The following UPP2 variants were observed in gnomAD, a reference collection of about 807,000 sequenced individuals.
UPP2 encodes uridine phosphorylase 2, also known as UPase 2.
Under a neutral mutation model 26.7 loss-of-function variants are expected in UPP2, and 23 were observed. That is an observed-to-expected ratio of 0.86 (90% CI 0.62 to 1.22). The LOEUF (loss-of-function observed/expected upper bound fraction) is 1.22, where lower values mean the gene tolerates loss of function less well. UPP2 is among the 50% of genes most tolerant of loss of function. The pLI, the probability that UPP2 is intolerant of heterozygous loss-of-function variation, is 0.00. For missense variants in UPP2, 387 were observed against 396.7 expected (o/e 0.98, Z 0.21); for synonymous variants, 127 against 141.3 (o/e 0.90, Z 0.72).
At chr2:158,019,639 A>AACACACACACAC (rs57149695) in intron 3 of UPP2, among the ~76,000 whole-genome samples, 1 of 141,094 alleles carries the variant, frequency 7.1e-6, no homozygotes. Context: ...AATCCTTTAA[A>AACACACACACAC]ACACACACAC....
Position 158,073,896 on chromosome 2 carries a change from C to T in UPP2, c.148-28144C>T, listed in dbSNP as rs554112706. ...AAACAAGAAGAAATCCTTTGAGGGC[C>T]AGGTATAGTGGCTGACGTCTGTAAT... is the stretch of plus-strand genomic sequence containing the variant. On this transcript the variant is annotated intron_variant, in intron 3 of 9. Transcript: ENST00000605860. 1.1e-4 allele frequency among the ~76,000 whole-genome samples: 16 copies of T among 152,232 alleles called. No individual in the cohort carries two copies. In the East Asian group the frequency reaches 2.3e-3, roughly 22 times the overall value.
intron 3 of UPP2, among the ~76,000 whole-genome samples, chr2:158,041,647 A>G (rs1423890164): frequency 1.3e-5 from 2 of 152,236 alleles, no homozygotes; most frequent in Non-Finnish European, 2.9e-5. Context: ...AAAGATCTTG[A>G]TGCCAGTGTG....
At chr2:158,105,365 G>A (rs1338501524) in intron 1 of UPP2, among the ~76,000 whole-genome samples, 1 of 152,148 alleles carries the variant, frequency 6.6e-6, no homozygotes, top group Non-Finnish European at 1.5e-5. Flanking sequence ...CCAGGGCCAT[G>A]GCCAGTGGGG....
intron 4 of UPP2, among the ~76,000 whole-genome samples, chr2:158,120,564 G>C (rs1234028183): frequency 2.6e-5 from 4 of 151,996 alleles, no homozygotes; most frequent in Non-Finnish European, 5.9e-5. Context: ...AAACAAATGG[G>C]TAATTATAAA....
In UPP2 at chr2:158,134,983, G is replaced by A; in HGVS notation, c.*93G>A. 7.2e-7 allele frequency: 1 copy of A among 1,391,198 alleles called. No individual in the cohort carries two copies. The highest frequency in any genetic ancestry group is 9.5e-7 in the Non-Finnish European group (1 of 1,051,986). The allele number at this position is 1,391,198 out of a possible 1,614,324, so 86.2% of individuals were successfully genotyped here. A position where few individuals can be genotyped will look rare whatever the true frequency, so the allele number is the denominator to read the frequency against. On this transcript the variant is annotated 3_prime_UTR_variant, in exon 7 of 7. Transcript: ENST00000005756. The stretch of plus-strand genomic sequence containing the variant: ...ATTTTATTTGTGGCATTTTTATATA[G>A]TTCTCATCCACATGCTAAATGGAAA...
chr2:158,034,639 G>A (rs1574255756), intron 3 of UPP2, among the ~76,000 whole-genome samples: 2 of 152,166 alleles, frequency 1.3e-5, no homozygotes, highest in Admixed American at 1.3e-4. Context: ...GTGTGCCTGA[G>A]GATTCTAGGA....
At chr2:158,027,074 C>A (rs11679887) in intron 3 of UPP2, among the ~76,000 whole-genome samples, 2 of 152,054 alleles carry the variant, frequency 1.3e-5, no homozygotes, top group Non-Finnish European at 2.9e-5. Context: ...GGGGACACAG[C>A]CAAACCTTTA....
chr2:158,045,208 T>C (rs746476719), intron 3 of UPP2, among the ~76,000 whole-genome samples: 1 of 152,196 alleles, frequency 6.6e-6, no homozygotes, highest in Non-Finnish European at 1.5e-5. Flanking sequence ...CTAACTTGGA[T>C]GAATCAGACC....
chr2:158,004,751 A>G (rs1048105332), intron 2 of UPP2, among the ~76,000 whole-genome samples: 3 of 152,198 alleles, frequency 2.0e-5, no homozygotes, highest in African/African-American at 7.2e-5. Context: ...AACTTTTTTT[A>G]AAGTTTGTGC....
intron 3 of UPP2, among the ~76,000 whole-genome samples, chr2:158,067,350 T>C (rs1476529650): frequency 1.5e-5 from 2 of 130,092 alleles, no homozygotes; most frequent in African/African-American, 5.9e-5. Context: ...TCTAAATAAA[T>C]AGTGAAATGC....
chr2:158,053,762 C>T (rs187018756), intron 3 of UPP2, among the ~76,000 whole-genome samples: 18 of 152,256 alleles, frequency 1.2e-4, no homozygotes, highest in African/African-American at 4.3e-4. Context: ...CACACATTAC[C>T]ATAGTTTACT....
chr2:158,078,485 T>G (rs1387754377), intron 3 of UPP2, among the ~76,000 whole-genome samples: 1 of 152,086 alleles, frequency 6.6e-6, no homozygotes, highest in East Asian at 1.9e-4. Flanking sequence ...TGCAACAACA[T>G]GGATGGAACT....
intron 3 of UPP2, among the ~76,000 whole-genome samples, chr2:158,024,358 G>A (rs1279448521): frequency 6.6e-6 from 1 of 152,168 alleles, no homozygotes; most frequent in Non-Finnish European, 1.5e-5. Flanking sequence ...ATCACTACAA[G>A]TTGACCTGTA....
At chr2:158,000,487 C>T (rs1396237587) in intron 2 of UPP2, among the ~76,000 whole-genome samples, 3 of 152,218 alleles carry the variant, frequency 2.0e-5, no homozygotes, top group Admixed American at 1.3e-4. Context: ...CTTTTGTGCT[C>T]ACTGTTGCTC....
At chr2:158,122,605 A>G (rs1203483139) in intron 5 of UPP2, among the ~76,000 whole-genome samples, 1 of 152,142 alleles carries the variant, frequency 6.6e-6, no homozygotes, top group Admixed American at 6.5e-5. Flanking sequence ...TTTGGCCTGC[A>G]CAGTATTTTT....
At chr2:158,040,259 T>C (rs1684065923) in intron 3 of UPP2, among the ~76,000 whole-genome samples, 1 of 152,240 alleles carries the variant, frequency 6.6e-6, no homozygotes, top group South Asian at 2.1e-4. Flanking sequence ...CTAACTCTAT[T>C]TGTTGAAAAT....
chr2:158,073,226 T>C (rs538756718), intron 3 of UPP2, among the ~76,000 whole-genome samples: 133 of 152,050 alleles, frequency 8.7e-4, no homozygotes, highest in African/African-American at 3.1e-3. Flanking sequence ...AAGAGTATAA[T>C]TAATCAAGCA....
chr2:158,012,927 A>G (rs543129722), intron 2 of UPP2, among the ~76,000 whole-genome samples: 7 of 152,254 alleles, frequency 4.6e-5, no homozygotes, highest in African/African-American at 1.7e-4. Flanking sequence ...ATACCCTACT[A>G]TATGGAGAAA....
In UPP2 at chr2:158,093,900, T is replaced by C. The variant is rs116013666; in HGVS notation, c.148-8140T>C. ...ACACAAGAAGATACCCATAAGGATG[T>C]TTACAGGAAAAAATTGGAAGCAACA... On this transcript the variant is annotated intron_variant, in intron 3 of 9. Transcript: ENST00000605860. Among the ~76,000 whole-genome samples, 559 of 151,478 alleles carry C rather than the reference T, an allele frequency of 3.7e-3. 5 individuals carry two copies. The highest frequency in any genetic ancestry group is 0.013 in the African/African-American group (540 of 41,374).
Sources: allele counts gnomAD v4.1 joint callset (sites outside exome capture counted in the v4.1 genomes callset), GRCh38; gene constraint gnomAD v4.1.1; transcripts MANE v1.5; gene names NCBI Gene and HGNC (gene_info 2026-07-23, HGNC 2026-07-21).